RNF24: variants seen among roughly 807,000 people sequenced by gnomAD.
RNF24 encodes the protein ring finger protein 24.
In RNF24, 14 loss-of-function variants were observed where a neutral mutation model predicts 20.0. The ratio of observed to expected loss-of-function variants is 0.70; its 90% CI spans 0.46 to 1.10. The LOEUF is 1.10. Ranked by LOEUF, RNF24 falls within the 50% of genes least tolerant of loss-of-function variation. The pLI, the probability that RNF24 is intolerant of heterozygous loss-of-function variation, is 0.00. For missense variants in RNF24, 124 were observed against 177.6 expected, an observed-to-expected ratio of 0.70 and a Z score of 1.71; for synonymous variants, 45 against 61.1, an observed-to-expected ratio of 0.74 and a Z score of 1.23.
rs1047201449 is a variant in RNF24, at chr20:3,930,510, C to T, written c.*3553G>A. Reference sequence around the variant, plus strand: ...GGTGCCAGGGACGTTACTACAATCCCTGGGTGGTAGCTAAGGAAGCTAAGG... The same window carrying T: ...GGTGCCAGGGACGTTACTACAATCCTTGGGTGGTAGCTAAGGAAGCTAAGG... On this transcript the variant is annotated 3_prime_UTR_variant, in exon 6 of 6. Transcript: ENST00000358395. The T allele has an allele frequency of 1.3e-5, 2 of 152,084 alleles. No homozygotes were observed. The highest frequency in any genetic ancestry group is 4.1e-4 in the South Asian group (2 of 4,824). 9.4% of individuals were successfully genotyped at this position (152,084 alleles called of 1,614,324 possible). A position where few individuals can be genotyped will look rare whatever the true frequency, so the allele number is the denominator to read the frequency against.
At chr20:3,960,580 A>C (rs1224701912) in intron 2 of RNF24, among the ~76,000 whole-genome samples, 1 of 152,062 alleles carries the variant, frequency 6.6e-6, no homozygotes, top group Non-Finnish European at 1.5e-5. Context: ...AGGCAAGAGA[A>C]TGGCGTGAAC....
intron 1 of RNF24, among the ~76,000 whole-genome samples, chr20:3,989,499 A>T (rs1396506548): frequency 6.6e-6 from 1 of 151,986 alleles, no homozygotes; most frequent in African/African-American, 2.4e-5. Flanking sequence ...TCAAAAAAAA[A>T]AAATAAAAAA....
chr20:3,941,812 C>A (rs186528804), intron 4 of RNF24, among the ~76,000 whole-genome samples: 1 of 152,122 alleles, frequency 6.6e-6, no homozygotes, highest in African/African-American at 2.4e-5. Flanking sequence ...TGGTGGCTCA[C>A]GCCTGTAATC....
At chr20:3,954,772 G>A (rs909231411) in intron 2 of RNF24, among the ~76,000 whole-genome samples, 1 of 152,058 alleles carries the variant, frequency 6.6e-6, no homozygotes, top group Middle Eastern at 3.4e-3. Context: ...GGTGGCAGGC[G>A]CCTGTAATCC....
At chr20:3,986,092 A>G (rs915108424) in intron 1 of RNF24, among the ~76,000 whole-genome samples, 6 of 152,060 alleles carry the variant, frequency 3.9e-5, no homozygotes, top group Non-Finnish European at 8.8e-5. Flanking sequence ...TCTATTTTCA[A>G]TGTAAATCAT....
chr20:3,981,142 C>T (rs1367476334), intron 1 of RNF24, among the ~76,000 whole-genome samples: 1 of 151,780 alleles, frequency 6.6e-6, no homozygotes, highest in Non-Finnish European at 1.5e-5. Flanking sequence ...TTTTTCTCAA[C>T]GTAAATATTT....
At chr20:3,985,768 G>A (rs1337616407) in intron 1 of RNF24, among the ~76,000 whole-genome samples, 2 of 148,702 alleles carry the variant, frequency 1.3e-5, no homozygotes, top group African/African-American at 2.5e-5. Flanking sequence ...GCAATGGCAC[G>A]ATCTTGGCTC....
intron 4 of RNF24, among the ~76,000 whole-genome samples, chr20:3,935,357 G>T (rs929309038): frequency 6.6e-6 from 1 of 152,156 alleles, no homozygotes; most frequent in Non-Finnish European, 1.5e-5. Context: ...GTGTGGGACC[G>T]AGGGAGGGTT....
intron 3 of RNF24, among the ~76,000 whole-genome samples, chr20:3,947,977 C>T (rs1219041361): frequency 6.6e-6 from 1 of 150,898 alleles, no homozygotes; most frequent in Non-Finnish European, 1.5e-5. Context: ...ACCTGGAAGG[C>T]GGAGGTTGCT....
At chr20:3,955,666 G>A (rs527332004) in intron 2 of RNF24, among the ~76,000 whole-genome samples, 1 of 152,248 alleles carries the variant, frequency 6.6e-6, no homozygotes, top group African/African-American at 2.4e-5. Context: ...GTAAAAAAAG[G>A]CCATTAGAAT....
At chr20:4,003,122 A>G (rs1220553624) in intron 1 of RNF24, among the ~76,000 whole-genome samples, 1 of 152,120 alleles carries the variant, frequency 6.6e-6, no homozygotes, top group Non-Finnish European at 1.5e-5. Flanking sequence ...GGCGCCTGCC[A>G]CGGCGCCCGG....
chr20:3,986,763 C>T (rs1278812706), intron 1 of RNF24, among the ~76,000 whole-genome samples: 2 of 151,908 alleles, frequency 1.3e-5, no homozygotes, highest in Non-Finnish European at 2.9e-5. Flanking sequence ...ATTTTCCTGC[C>T]TTAGCCTCCC....
intron 1 of RNF24, among the ~76,000 whole-genome samples, chr20:3,968,709 C>A (rs1276909280): frequency 6.6e-6 from 1 of 152,134 alleles, no homozygotes; most frequent in African/African-American, 2.4e-5. Context: ...TCTGCAAAAT[C>A]TTTTCTTGAG....
chr20:3,927,477 T>G lies in RNF24; in HGVS notation c.*6586A>C, dbSNP rs1475458923. ...TTTAAAAATATTCTGCTGCAGAATTTTTAGTGTACAAAGACGTCTATGAAA... is the reference window on the plus strand; with the variant it reads ...TTTAAAAATATTCTGCTGCAGAATTGTTAGTGTACAAAGACGTCTATGAAA... On this transcript the variant is annotated 3_prime_UTR_variant, in exon 6 of 6. Transcript: ENST00000358395. 1 of 152,200 alleles carries G rather than the reference T, an allele frequency of 6.6e-6. No individual in the cohort carries two copies. Among genetic ancestry groups the G allele is most frequent in the East Asian group, 1.9e-4 (1 of 5,202 alleles). The allele number at this position is 152,200 out of a possible 1,614,324, so 9.4% of individuals were successfully genotyped here. A position where few individuals can be genotyped will look rare whatever the true frequency, so the allele number is the denominator to read the frequency against.
At chr20:3,995,037 G>A (rs968153065) in intron 1 of RNF24, among the ~76,000 whole-genome samples, 1 of 152,190 alleles carries the variant, frequency 6.6e-6, no homozygotes, top group African/African-American at 2.4e-5. Context: ...GGAACTGAGA[G>A]CAAATTAGAG....
chr20:3,944,209 CAAAAAA>C (rs58334745), intron 4 of RNF24, among the ~76,000 whole-genome samples: 46 of 109,890 alleles, frequency 4.2e-4, no homozygotes, highest in African/African-American at 8.7e-4. Context: ...GACCCCGTCT[CAAAAAA>C]AAAAAAAAAA....
At chr20:3,967,328 C>T (rs1035841199) in intron 1 of RNF24, among the ~76,000 whole-genome samples, 1 of 152,134 alleles carries the variant, frequency 6.6e-6, no homozygotes, top group Admixed American at 6.5e-5. Flanking sequence ...GCTTACTTGG[C>T]ATTTCCAACT....
At chr20:3,987,301 A>C (rs1231388661) in intron 1 of RNF24, among the ~76,000 whole-genome samples, 5 of 152,232 alleles carry the variant, frequency 3.3e-5, no homozygotes, top group Admixed American at 2.6e-4. Context: ...GTGTGAAAAG[A>C]AATACGAAGC....
intron 1 of RNF24, among the ~76,000 whole-genome samples, chr20:4,009,733 C>T (rs544373721): frequency 4.1e-4 from 62 of 152,034 alleles, no homozygotes; most frequent in African/African-American, 1.2e-3. Flanking sequence ...GTGTCTACTT[C>T]GGATTTTTGG....
Sources: gnomAD v4.1 joint callset for allele counts (sites outside exome capture counted in the v4.1 genomes callset) on GRCh38, gnomAD v4.1.1 for gene constraint, MANE v1.5 for transcripts, NCBI Gene and HGNC (gene_info 2026-07-23, HGNC 2026-07-21) for gene names.